The following KCNT2 variants were observed in gnomAD, a reference collection of about 807,000 sequenced individuals.
KCNT2 encodes the protein potassium sodium-activated channel subfamily T member 2.
KCNT2 carries 67 observed loss-of-function variants against 153.8 expected under a neutral mutation model. The ratio of observed to expected loss-of-function variants is 0.44; its 90% CI spans 0.36 to 0.53. The LOEUF is 0.53. Among genes scored for constraint, KCNT2 ranks in the 20% least tolerant of loss-of-function variants. The pLI, the probability that KCNT2 is intolerant of heterozygous loss-of-function variation, is 0.00. For synonymous variants in KCNT2, 500 were observed against 458.8 expected (o/e 1.09, Z -1.15); for missense variants, 975 against 1,354.8 (o/e 0.72, Z 4.40).
chr1:196,543,059 A>C (rs1656600518), intron 1 of KCNT2, among the ~76,000 whole-genome samples: 1 of 152,150 alleles, frequency 6.6e-6, no homozygotes, highest in African/African-American at 2.4e-5. Context: ...TATAGTTATA[A>C]ATTATGAATT....
Position 196,340,577 on chromosome 1 carries a change from T to A in KCNT2, c.1554-7A>T. 6.7e-7 allele frequency: 1 copy of A among 1,500,078 alleles called. No individual in the cohort carries two copies. The highest frequency in any genetic ancestry group is 9.0e-7 in the Non-Finnish European group (1 of 1,115,236). The allele number at this position is 1,500,078 out of a possible 1,614,324, so 92.9% of individuals were successfully genotyped here. ...AATCAAGCAGACGCCAAACCTTAAT[T>A]TAAAAAAAAAGAGAGTTTGTAAGAA... On this transcript the variant is annotated splice_region_variant and splice_polypyrimidine_tract_variant and intron_variant, in intron 15 of 27. Coordinates refer to ENST00000294725, the MANE Select transcript of KCNT2 (RefSeq NM_198503.5).
chr1:196,238,661 G>A (rs2102246264), intron 26 of KCNT2, among the ~76,000 whole-genome samples: 1 of 151,906 alleles, frequency 6.6e-6, no homozygotes, highest in Middle Eastern at 3.4e-3. Flanking sequence ...GCTTTGCACA[G>A]AAGGCCTACA....
chr1:196,480,293 T>C (rs559383156), intron 4 of KCNT2, among the ~76,000 whole-genome samples: 5 of 152,166 alleles, frequency 3.3e-5, no homozygotes, highest in Non-Finnish European at 7.4e-5. Flanking sequence ...AGATTACATT[T>C]TTTCTTCTGT....
In KCNT2 at chr1:196,377,342, T is replaced by TG. The variant is rs535082730; in HGVS notation, c.1295-4095dup. On this transcript the variant is annotated intron_variant, in intron 13 of 27. Coordinates refer to ENST00000294725, the MANE Select transcript of KCNT2 (RefSeq NM_198503.5). ...GGTTTATCAGATACATTTTTTTTGGTGGGGGGGAGAATTTCAAGTCAAAAA... is the reference window on the plus strand; with the variant it reads ...GGTTTATCAGATACATTTTTTTTGGTGGGGGGGGAGAATTTCAAGTCAAAAA... 2.0e-4 allele frequency among the ~76,000 whole-genome samples: 31 copies of TG among 151,560 alleles called. No individual in the cohort carries two copies. The South Asian group carries it at 3.5e-3, about 17-fold the overall frequency.
In KCNT2 at chr1:196,244,488, C is replaced by T. The variant is rs114516334; in HGVS notation, c.3212-8418G>A. ...GCCTACTGTCCTGAGGAGAGAGTTT[C>T]CTGCCTGGCAACATTCACCAAAATC... On this transcript the variant is annotated intron_variant, in intron 26 of 27. Transcript: ENST00000294725. 3.6e-3 allele frequency among the ~76,000 whole-genome samples: 551 copies of T among 152,182 alleles called. 2 individuals carry two copies. Among genetic ancestry groups the T allele is most frequent in the African/African-American group, 0.012 (515 of 41,522 alleles).
At chr1:196,512,607 T>C (rs1681721647) in intron 1 of KCNT2, among the ~76,000 whole-genome samples, 1 of 152,158 alleles carries the variant, frequency 6.6e-6, no homozygotes, top group African/African-American at 2.4e-5. Context: ...AAAAATGTTT[T>C]ACCAGAATAA....
At chr1:196,354,951 G>A (rs1451667728) in intron 14 of KCNT2, among the ~76,000 whole-genome samples, 1 of 151,516 alleles carries the variant, frequency 6.6e-6, no homozygotes, top group Non-Finnish European at 1.5e-5. Context: ...TCAATGTTAG[G>A]AATCCACAGT....
intron 1 of KCNT2, among the ~76,000 whole-genome samples, chr1:196,601,513 C>T (rs1004083750): frequency 6.6e-6 from 1 of 152,100 alleles, no homozygotes; most frequent in African/African-American, 2.4e-5. Flanking sequence ...GATGTCAATG[C>T]TATTAAGGGT....
intron 22 of KCNT2, among the ~76,000 whole-genome samples, chr1:196,301,196 C>T (rs2093932): frequency 0.024 from 3,652 of 152,236 alleles, 77 homozygotes; most frequent in South Asian, 0.072. Context: ...TTATATGTTC[C>T]TCAAGTCTAT....
chr1:196,334,126 A>C, intron 16 of KCNT2, 66 bp from the exon 17 acceptor site: 1 of 917,830 alleles, frequency 1.1e-6, no homozygotes, highest in Non-Finnish European at 1.7e-6. Context: ...GTTGAAGGTT[A>C]CATGAAATAT....
chr1:196,338,069 GC>G (rs1454780996), intron 16 of KCNT2, among the ~76,000 whole-genome samples: 1 of 152,010 alleles, frequency 6.6e-6, no homozygotes, highest in Non-Finnish European at 1.5e-5. Context: ...AATGAATATT[GC>G]TACTGTAGAA....
Position 196,469,209 on chromosome 1 carries a change from A to G in KCNT2, c.385-141T>C, listed in dbSNP as rs78318565. On this transcript the variant is annotated intron_variant, in intron 5 of 27. Transcript: ENST00000294725. ...CTGAATATTATATAGAGATGTAGCA[A>G]TGACTTTTAGAGATTATTTTTCTTA... 6.4e-3 allele frequency: 3,462 copies of G among 539,278 alleles called. 96 individuals carry two copies. The highest frequency in any genetic ancestry group is 0.058 in the African/African-American group (3,060 of 52,994). The allele number at this position is 539,278 out of a possible 1,614,324, so 33.4% of individuals were successfully genotyped here. A position where few individuals can be genotyped will look rare whatever the true frequency, so the allele number is the denominator to read the frequency against.
intron 27 of KCNT2, among the ~76,000 whole-genome samples, chr1:196,232,892 T>C (rs148668666): frequency 1.3e-5 from 2 of 151,420 alleles, no homozygotes; most frequent in African/African-American, 4.8e-5. Context: ...TATTATAAAA[T>C]ACAAATAAGG....
intron 22 of KCNT2, among the ~76,000 whole-genome samples, chr1:196,288,369 C>A (rs1204485111): frequency 6.6e-6 from 1 of 152,000 alleles, no homozygotes; most frequent in African/African-American, 2.4e-5. Context: ...AATAACAGGA[C>A]ATATGGTTAC....
intron 14 of KCNT2, among the ~76,000 whole-genome samples, chr1:196,344,837 A>G (rs1388790206): frequency 6.6e-6 from 1 of 152,116 alleles, no homozygotes; most frequent in African/African-American, 2.4e-5. Context: ...ATTGCCCCTC[A>G]GGCAGCATCT....
At chr1:196,288,072 T>A (rs1175877841) in intron 22 of KCNT2, among the ~76,000 whole-genome samples, 1 of 151,450 alleles carries the variant, frequency 6.6e-6, no homozygotes. Context: ...GAAGAGTGAG[T>A]GTTAAGTTGA....
chr1:196,528,119 A>G (rs1654481925), intron 1 of KCNT2, among the ~76,000 whole-genome samples: 1 of 152,220 alleles, frequency 6.6e-6, no homozygotes, highest in South Asian at 2.1e-4. Context: ...TTTTTCTGTC[A>G]AAACATCCGG....
chr1:196,559,351 C>T (rs1237368724), intron 1 of KCNT2, among the ~76,000 whole-genome samples: 1 of 151,590 alleles, frequency 6.6e-6, no homozygotes, highest in African/African-American at 2.4e-5. Flanking sequence ...AAACTCATCC[C>T]ATGAATACAT....
chr1:196,247,864 T>C (rs1475068625), intron 26 of KCNT2, among the ~76,000 whole-genome samples: 4 of 152,160 alleles, frequency 2.6e-5, no homozygotes, highest in African/African-American at 9.7e-5. Flanking sequence ...CTCCTTAGTA[T>C]ATGGATCATT....
Sources: allele counts gnomAD v4.1 joint callset (sites outside exome capture counted in the v4.1 genomes callset), GRCh38; gene constraint gnomAD v4.1.1; transcripts MANE v1.5; gene names NCBI Gene and HGNC (gene_info 2026-07-23, HGNC 2026-07-21).